The following SH3GL2 variants were observed in gnomAD, a reference collection of about 807,000 sequenced individuals.
SH3GL2 encodes the protein endophilin-A1.
A neutral mutation model predicts 46.0 loss-of-function variants in SH3GL2; 24 were observed. That is an observed-to-expected ratio of 0.52 (90% CI 0.38 to 0.73). The LOEUF (loss-of-function observed/expected upper bound fraction) is 0.73. Ranked by LOEUF, SH3GL2 falls within the 30% of genes least tolerant of loss-of-function variation. The pLI is 0.00. For missense variants in SH3GL2, 413 were observed against 424.2 expected (o/e 0.97, Z 0.23); for synonymous variants, 196 against 147.1 (o/e 1.33, Z -2.40).
chr9:17,584,077 C>T (rs1160133040), intron 1 of SH3GL2, among the ~76,000 whole-genome samples: 1 of 152,128 alleles, frequency 6.6e-6, no homozygotes, highest in African/African-American at 2.4e-5. Context: ...TAATAGGCTG[C>T]AAGGGGCCTA....
chr9:17,584,436 G>A (rs750162081), intron 1 of SH3GL2, among the ~76,000 whole-genome samples: 3 of 152,178 alleles, frequency 2.0e-5, no homozygotes. Context: ...CCAGGAGGCC[G>A]AGGTTGCAGT....
intron 1 of SH3GL2, among the ~76,000 whole-genome samples, chr9:17,719,605 C>G (rs932432675): frequency 1.3e-5 from 2 of 152,042 alleles, no homozygotes; most frequent in Middle Eastern, 6.8e-3. Context: ...GCCTGGGCAA[C>G]ATAACAAGAC....
intron 1 of SH3GL2, among the ~76,000 whole-genome samples, chr9:17,683,505 G>A (rs1046974374): frequency 1.3e-5 from 2 of 152,044 alleles, no homozygotes. Flanking sequence ...ACCTTTGGAG[G>A]AGGGTCAAAG....
chr9:17,684,152 A>C (rs1820844583), intron 1 of SH3GL2, among the ~76,000 whole-genome samples: 1 of 152,152 alleles, frequency 6.6e-6, no homozygotes, highest in South Asian at 2.1e-4. Context: ...AGAGAATTTT[A>C]AATAACTATG....
chr9:17,623,161 T>G (rs1819196542), intron 1 of SH3GL2, among the ~76,000 whole-genome samples: 1 of 150,466 alleles, frequency 6.6e-6, no homozygotes, highest in Non-Finnish European at 1.5e-5. Context: ...GGTTCTGTTC[T>G]TTCCCCTTGT....
chr9:17,682,286 A>G lies in SH3GL2; in HGVS notation c.46-64780A>G, dbSNP rs185771109. On this transcript the variant is annotated intron_variant, in intron 1 of 8. Transcript: ENST00000380607. ...ATATGTTTTTTGCGTATTATTTTCAATAGCAAAGTCATGGAACCAACCCAA... is the reference window on the plus strand; with the variant it reads ...ATATGTTTTTTGCGTATTATTTTCAGTAGCAAAGTCATGGAACCAACCCAA... Among the ~76,000 whole-genome samples the G allele has an allele frequency of 8.6e-4, 131 of 152,308 alleles. 1 individual carries two copies. Among genetic ancestry groups the G allele is most frequent in the African/African-American group, 2.8e-3 (117 of 41,562 alleles).
intron 1 of SH3GL2, among the ~76,000 whole-genome samples, chr9:17,592,916 G>A (rs576243933): frequency 4.4e-4 from 67 of 152,238 alleles, no homozygotes; most frequent in African/African-American, 1.3e-3. Context: ...GAAAGGGGGT[G>A]AAGGTTAAGT....
At chr9:17,785,180 C>G (rs1483433869) in intron 3 of SH3GL2, among the ~76,000 whole-genome samples, 1 of 152,198 alleles carries the variant, frequency 6.6e-6, no homozygotes, top group African/African-American at 2.4e-5. Context: ...CTCCAGGAAT[C>G]CTTTGCGATG....
At chr9:17,652,571 C>A (rs540284657) in intron 1 of SH3GL2, among the ~76,000 whole-genome samples, 127 of 152,074 alleles carry the variant, frequency 8.4e-4, no homozygotes, top group African/African-American at 2.8e-3. Flanking sequence ...ATTTTCTCTG[C>A]CATTTCTGAG....
intron 1 of SH3GL2, among the ~76,000 whole-genome samples, chr9:17,716,294 A>T (rs1282466956): frequency 6.6e-6 from 1 of 152,054 alleles, no homozygotes; most frequent in Non-Finnish European, 1.5e-5. Flanking sequence ...AGGGGGCTGG[A>T]TGTTTTAATT....
chr9:17,767,986 A>T (rs1320335466), intron 3 of SH3GL2, among the ~76,000 whole-genome samples: 2 of 152,180 alleles, frequency 1.3e-5, no homozygotes, highest in Non-Finnish European at 2.9e-5. Flanking sequence ...TAAGTGATTT[A>T]GACTTTTAAG....
chr9:17,626,074 G>A (rs1256696243), intron 1 of SH3GL2, among the ~76,000 whole-genome samples: 2 of 152,164 alleles, frequency 1.3e-5, no homozygotes, highest in African/African-American at 4.8e-5. Flanking sequence ...GGCTGGGGAG[G>A]TGTCCACTTG....
intron 1 of SH3GL2, among the ~76,000 whole-genome samples, chr9:17,694,999 C>G (rs1425320920): frequency 2.0e-5 from 3 of 151,956 alleles, no homozygotes; most frequent in Non-Finnish European, 2.9e-5. Context: ...TTTCACTAGA[C>G]ATGAATAAAT....
At chr9:17,598,583 G>C (rs1309350576) in intron 1 of SH3GL2, among the ~76,000 whole-genome samples, 2 of 152,166 alleles carry the variant, frequency 1.3e-5, no homozygotes, top group Non-Finnish European at 2.9e-5. Context: ...CTGGGAGCTA[G>C]TCCACTCCCA....
chr9:17,596,146 A>T (rs1398947970), intron 1 of SH3GL2, among the ~76,000 whole-genome samples: 1 of 152,156 alleles, frequency 6.6e-6, no homozygotes. Context: ...AATATATGTC[A>T]GTTTGCTTCA....
chr9:17,764,552 C>T (rs79865237), intron 3 of SH3GL2, among the ~76,000 whole-genome samples: 1,896 of 152,332 alleles, frequency 0.012, 36 homozygotes, highest in African/African-American at 0.044. Context: ...CAAGATATGG[C>T]CTGGGTTAGG....
intron 3 of SH3GL2, among the ~76,000 whole-genome samples, chr9:17,776,190 A>T (rs1477628323): frequency 1.3e-5 from 2 of 152,092 alleles, no homozygotes; most frequent in African/African-American, 4.8e-5. Context: ...TGTGCTGGGC[A>T]TGTACGTTCC....
chr9:17,590,183 G>A (rs879428415), intron 1 of SH3GL2: 1 of 152,202 alleles, frequency 6.6e-6, no homozygotes. Context: ...TTGAGTTAAT[G>A]TGTGTACAGT....
chr9:17,640,060 G>A (rs1179987433), intron 1 of SH3GL2, among the ~76,000 whole-genome samples: 1 of 152,078 alleles, frequency 6.6e-6, no homozygotes, highest in Non-Finnish European at 1.5e-5. Flanking sequence ...TGTGGTGGGA[G>A]TTATAAGGTT....
Sources: allele counts gnomAD v4.1 joint callset (sites outside exome capture counted in the v4.1 genomes callset), GRCh38; gene constraint gnomAD v4.1.1; transcripts MANE v1.5; gene names NCBI Gene and HGNC (gene_info 2026-07-23, HGNC 2026-07-21).